Variants in UBXN7 observed in about 807,000 individuals in gnomAD.
UBXN7 encodes the protein UBX domain-containing protein 7.
UBXN7 carries 9 observed loss-of-function variants against 58.0 expected under a neutral mutation model. The observed-to-expected ratio is 0.16, with a 90% CI of 0.09 to 0.27. The LOEUF (loss-of-function observed/expected upper bound fraction) is 0.27, where lower values mean the gene tolerates loss of function less well. Ranked by LOEUF, UBXN7 falls within the 10% of genes least tolerant of loss-of-function variation. The probability of loss-of-function intolerance (pLI) is 1.00; values close to 1 mark genes in which losing one functional copy is unlikely to be tolerated. For synonymous variants in UBXN7, 208 were observed against 205.0 expected (o/e 1.01, Z -0.12); for missense variants, 328 against 599.6 (o/e 0.55, Z 4.73).
intron 3 of UBXN7, among the ~76,000 whole-genome samples, chr3:196,401,768 T>C (rs11929654): frequency 8.5e-6 from 1 of 117,498 alleles, no homozygotes; most frequent in African/African-American, 3.5e-5. Context: ...ATCTCTATTT[T>C]AAAAAAAAAA....
chr3:196,407,117 T>C (rs1730186209), intron 2 of UBXN7, 129 bp downstream of exon 2: 7 of 1,325,218 alleles, frequency 5.3e-6, no homozygotes, highest in Non-Finnish European at 7.1e-6. Context: ...AATTTCCACT[T>C]CATACTTTTT....
chr3:196,381,035 C>T (rs1392064285), intron 5 of UBXN7, among the ~76,000 whole-genome samples: 3 of 152,276 alleles, frequency 2.0e-5, no homozygotes, highest in Non-Finnish European at 4.4e-5. Context: ...CCCTAAACTC[C>T]ACCTCTGTGG....
At chr3:196,375,518 T>A (rs568659407) in intron 5 of UBXN7, among the ~76,000 whole-genome samples, 2 of 152,230 alleles carry the variant, frequency 1.3e-5, no homozygotes, top group African/African-American at 4.8e-5. Flanking sequence ...AATCTAAGTA[T>A]ACCAATTATG....
chr3:196,372,164 C>G, intron 5 of UBXN7, 122 bp from the exon 6 acceptor site: 1 of 1,066,338 alleles, frequency 9.4e-7, no homozygotes, highest in East Asian at 2.7e-5. Flanking sequence ...GATACGACAT[C>G]TAGAGTTTTC....
intron 1 of UBXN7, among the ~76,000 whole-genome samples, chr3:196,430,987 G>C (rs1260964921): frequency 1.3e-5 from 2 of 152,000 alleles, no homozygotes; most frequent in Non-Finnish European, 2.9e-5. Context: ...ACTTTACTTT[G>C]ACCTGATGTT....
At chr3:196,392,421 C>G (rs546843578) in intron 4 of UBXN7, among the ~76,000 whole-genome samples, 1 of 150,940 alleles carries the variant, frequency 6.6e-6, no homozygotes, top group East Asian at 2.0e-4. Context: ...AGGAGAATAG[C>G]CTGAACCCTG....
intron 1 of UBXN7, chr3:196,431,310 C>A (rs543003754): frequency 6.6e-6 from 1 of 152,316 alleles, no homozygotes; most frequent in South Asian, 2.1e-4. Context: ...ACTCTTCTCT[C>A]AAATCACTCC....
chr3:196,362,740 C>T (rs1728538723), intron 8 of UBXN7, 53 bp from the exon 9 acceptor site: 2 of 1,540,832 alleles, frequency 1.3e-6, no homozygotes. Context: ...AACCAAAAAA[C>T]AAGTCAAACG....
Position 196,369,487 on chromosome 3 carries a change from G to C in UBXN7, c.640C>G (p.Gln214Glu). 3.1e-6 allele frequency: 5 copies of C among 1,612,888 alleles called. No homozygotes were observed. The highest frequency in any genetic ancestry group is 4.2e-6 in the Non-Finnish European group (5 of 1,179,536). ...AACTTATAAAACTGTATGTATCTCT[G>C]ACCTTCCTCACTGTCATGATAAACC... ...WQVYHDSEEG[Q>E]RYIQFYKLGD... Residue 214 changes from glutamine to glutamate, a missense_variant, in exon 7 of 11, where the codon CAG becomes GAG. This residue lies in a region of UBXN7 where 126 missense variants were observed against 302.6 expected (regional missense o/e 0.42). Transcript: ENST00000296328.
chr3:196,369,387 T>A lies in UBXN7; in HGVS notation c.706+34A>T, dbSNP rs780886184. On this transcript the variant is annotated intron_variant, in intron 7 of 10. Coordinates refer to ENST00000296328, the MANE Select transcript of UBXN7 (RefSeq NM_015562.2). The stretch of plus-strand genomic sequence containing the variant: ...ATTTAGGTAACTGAAAGACAAGTAA[T>A]AGGTTAAAAGCTGCGTGCTGATATA... The A allele has an allele frequency of 3.4e-6, 5 of 1,464,958 alleles. No individual in the cohort carries two copies. The South Asian group carries it at 5.9e-5, about 17-fold the overall frequency. The allele number at this position is 1,464,958 out of a possible 1,614,324, so 90.7% of individuals were successfully genotyped here.
intron 8 of UBXN7, among the ~76,000 whole-genome samples, chr3:196,363,316 C>T (rs1002038214): frequency 1.3e-5 from 2 of 151,682 alleles, no homozygotes; most frequent in African/African-American, 4.8e-5. Flanking sequence ...GTTCCCCAGG[C>T]TGGTCTTGCA....
rs997397841 is a variant in UBXN7 at position 196,432,327 on chromosome 3, C to T, written c.73G>A (p.Gly25Ser). The T allele has an allele frequency of 4.3e-6, 7 of 1,613,188 alleles. No individual in the cohort carries two copies. Among genetic ancestry groups the T allele is most frequent in the African/African-American group, 2.7e-5 (2 of 74,936 alleles). Reference protein sequence around the residue: ...GLIQQFTTITGASESVGKHML... With the variant: ...GLIQQFTTITSASESVGKHML... Reference sequence around the variant, plus strand: ...ACCTTCCGGTAACCGCGTCTCTTACCGGTAATGGTGGTGAACTGTTGAATT... The same window carrying T: ...ACCTTCCGGTAACCGCGTCTCTTACTGGTAATGGTGGTGAACTGTTGAATT... Residue 25 changes from glycine to serine, a missense_variant and splice_region_variant, in exon 1 of 11, where the codon GGT becomes AGT. By Grantham distance (56) the Gly-to-Ser change is moderately conservative. Around this residue, in one of 4 missense-constraint regions of UBXN7, gnomAD observed 106 missense variants for 124.3 expected, o/e 0.85. Transcript: ENST00000296328.
At chr3:196,425,383 A>T (rs1357510542) in intron 1 of UBXN7, among the ~76,000 whole-genome samples, 1 of 135,564 alleles carries the variant, frequency 7.4e-6, no homozygotes, top group African/African-American at 2.7e-5. Context: ...CTCTTTCTTT[A>T]AAAAAAAAAA....
chr3:196,412,144 T>C (rs949286657), intron 1 of UBXN7, among the ~76,000 whole-genome samples: 1 of 147,520 alleles, frequency 6.8e-6, no homozygotes, highest in South Asian at 2.1e-4. Context: ...GGCAGGAAAA[T>C]TGCTTGAATC....
At chr3:196,416,839 C>T (rs959706334) in intron 1 of UBXN7, among the ~76,000 whole-genome samples, 1 of 152,010 alleles carries the variant, frequency 6.6e-6, no homozygotes, top group African/African-American at 2.4e-5. Flanking sequence ...AGTAACAATA[C>T]ATTTAGAGTC....
At chr3:196,413,843 A>G (rs1730403077) in intron 1 of UBXN7, among the ~76,000 whole-genome samples, 1 of 152,156 alleles carries the variant, frequency 6.6e-6, no homozygotes, top group African/African-American at 2.4e-5. Context: ...AGTATTTGCA[A>G]ACAATCTATA....
At chr3:196,423,271 G>A (rs1372333525) in intron 1 of UBXN7, 1 of 153,562 alleles carries the variant, frequency 6.5e-6, no homozygotes, top group African/African-American at 2.4e-5. Context: ...ACCGCAACAT[G>A]TAAGTGTTTC....
chr3:196,391,852 C>A lies in UBXN7; in HGVS notation c.429G>T (p.Arg143=). 6.2e-7 allele frequency: 1 copy of A among 1,612,904 alleles called. No individual in the cohort carries two copies. The highest frequency in any genetic ancestry group is 8.5e-7 in the Non-Finnish European group (1 of 1,179,722). ...KKLTTLADLF[R]PPIDLMHKGS... ...CTTTATGCATCAAATCAATGGGTGGCCGGAATAGATCTGCAAGGGTAGTTA... is the reference window on the plus strand; with the variant it reads ...CTTTATGCATCAAATCAATGGGTGGACGGAATAGATCTGCAAGGGTAGTTA... The change falls in exon 5 of 11, where the codon CGG becomes CGT. Residue 143 remains arginine, a synonymous_variant. Coordinates refer to ENST00000296328, the MANE Select transcript of UBXN7 (RefSeq NM_015562.2).
intron 10 of UBXN7, among the ~76,000 whole-genome samples, chr3:196,360,561 G>C (rs1728480233): frequency 6.6e-6 from 1 of 152,154 alleles, no homozygotes. Context: ...CCACTGTTCA[G>C]ACCTACTGCT....
Sources: allele counts gnomAD v4.1 joint callset (sites outside exome capture counted in the v4.1 genomes callset), GRCh38; gene constraint gnomAD v4.1.1; regional missense constraint gnomAD v4.1.1; transcripts MANE v1.5; gene names NCBI Gene and HGNC (gene_info 2026-07-23, HGNC 2026-07-21).